Variants in ANXA10 observed in about 807,000 individuals in gnomAD.
The protein encoded by ANXA10 is annexin A10, also known as annexin 14.
Under a neutral mutation model 53.5 loss-of-function variants are expected in ANXA10, and 49 were observed. The observed-to-expected ratio is 0.92, with a 90% CI of 0.73 to 1.16. ANXA10 has a LOEUF of 1.16. ANXA10 is among the 50% of genes most tolerant of loss of function. ANXA10 has a pLI of 0.00. For synonymous variants in ANXA10, 131 were observed against 128.9 expected, an observed-to-expected ratio of 1.02 and a Z score of -0.11; for missense variants, 393 against 394.4, an observed-to-expected ratio of 1.00 and a Z score of 0.03.
intron 3 of ANXA10, among the ~76,000 whole-genome samples, chr4:168,156,202 TA>T (rs1210845811): frequency 4.0e-5 from 1 of 24,940 alleles, no homozygotes; most frequent in African/African-American, 2.1e-4. Flanking sequence ...ATATATAATA[TA>T]TATTATATTA....
intron 1 of ANXA10, among the ~76,000 whole-genome samples, chr4:168,104,851 A>T (rs1454998401): frequency 1.3e-5 from 2 of 150,450 alleles, no homozygotes; most frequent in Non-Finnish European, 3.0e-5. Context: ...TGTCTTTATT[A>T]CCTCCTACCT....
At chr4:168,097,193 C>A (rs751943929) in intron 1 of ANXA10, among the ~76,000 whole-genome samples, 1 of 151,932 alleles carries the variant, frequency 6.6e-6, no homozygotes, top group Non-Finnish European at 1.5e-5. Context: ...CCATTATATA[C>A]ATTTCTTCTC....
At chr4:168,184,719 T>C (rs1408368121) in intron 11 of ANXA10, 38 bp downstream of exon 11, 1 of 1,603,656 alleles carries the variant, frequency 6.2e-7, no homozygotes, top group Admixed American at 1.7e-5. Flanking sequence ...GACCCACATT[T>C]TCTCCTTTTT....
chr4:168,095,835 G>GA (rs1399795899), intron 1 of ANXA10, among the ~76,000 whole-genome samples: 3 of 152,012 alleles, frequency 2.0e-5, no homozygotes, highest in East Asian at 3.9e-4. Flanking sequence ...CACACTGAGA[G>GA]AAAAAAATGC....
At chr4:168,102,830 A>G (rs1435125012) in intron 1 of ANXA10, among the ~76,000 whole-genome samples, 2 of 152,124 alleles carry the variant, frequency 1.3e-5, no homozygotes, top group Non-Finnish European at 2.9e-5. Flanking sequence ...AGCTTTAGAA[A>G]AAACTGGCAA....
intron 2 of ANXA10, among the ~76,000 whole-genome samples, chr4:168,137,805 T>C (rs985620260): frequency 2.0e-5 from 3 of 152,196 alleles, no homozygotes; most frequent in Non-Finnish European, 2.9e-5. Context: ...GTACACACAG[T>C]AGTGAAATTT....
At chr4:168,122,060 C>T (rs1385807673) in intron 1 of ANXA10, among the ~76,000 whole-genome samples, 2 of 152,132 alleles carry the variant, frequency 1.3e-5, no homozygotes, top group East Asian at 1.9e-4. Flanking sequence ...CCAGGCATTT[C>T]GTGAACTCCT....
At chr4:168,135,879 C>T (rs1334306922) in intron 2 of ANXA10, among the ~76,000 whole-genome samples, 1 of 152,154 alleles carries the variant, frequency 6.6e-6, no homozygotes, top group Non-Finnish European at 1.5e-5. Flanking sequence ...TAAAGAACTA[C>T]CTGAGACTAC....
At chr4:168,114,501 C>T (rs1351139802) in intron 1 of ANXA10, among the ~76,000 whole-genome samples, 1 of 151,976 alleles carries the variant, frequency 6.6e-6, no homozygotes, top group African/African-American at 2.4e-5. Flanking sequence ...GTATAGTGTC[C>T]CCTCTTGTTT....
chr4:168,184,179 C>T (rs1173560442), intron 10 of ANXA10, among the ~76,000 whole-genome samples: 1 of 152,098 alleles, frequency 6.6e-6, no homozygotes, highest in Non-Finnish European at 1.5e-5. Context: ...CAGGAAGGAC[C>T]ACAGGATCAG....
intron 6 of ANXA10, among the ~76,000 whole-genome samples, chr4:168,166,631 CGTGTGTGTGTGTGTGTGTGTGT>C (rs34797848): frequency 3.1e-4 from 42 of 136,704 alleles, no homozygotes; most frequent in African/African-American, 5.9e-4. Context: ...TTTTGTGTTT[CGTGTGTGTGTGTGTGTGTGTGT>C]GTGTGTGTGT....
chr4:168,160,038 A>T (rs2319713), intron 3 of ANXA10, among the ~76,000 whole-genome samples: 1 of 151,340 alleles, frequency 6.6e-6, no homozygotes, highest in South Asian at 2.1e-4. Context: ...TAAATTGAGT[A>T]TATATATATT....
intron 6 of ANXA10, among the ~76,000 whole-genome samples, chr4:168,173,086 C>T (rs1732046985): frequency 6.6e-6 from 1 of 152,062 alleles, no homozygotes; most frequent in African/African-American, 2.4e-5. Context: ...CACTGTGCCC[C>T]TCCTGCCATA....
At chr4:168,181,544 T>A in intron 9 of ANXA10, 139 bp from the exon 10 acceptor site, 1 of 724,928 alleles carries the variant, frequency 1.4e-6, no homozygotes, top group Non-Finnish European at 2.4e-6. Context: ...TGGCTTATAG[T>A]GTTACCATTA....
At chr4:168,185,147 C>T (rs1732343578) in intron 11 of ANXA10, among the ~76,000 whole-genome samples, 1 of 151,596 alleles carries the variant, frequency 6.6e-6, no homozygotes, top group African/African-American at 2.4e-5. Context: ...GAGTGAGACT[C>T]CATCTCAAAA....
chr4:168,155,773 CATATATTATATATT>C (rs372556109), intron 3 of ANXA10, among the ~76,000 whole-genome samples: 2 of 23,440 alleles, frequency 8.5e-5, no homozygotes, highest in South Asian at 1.5e-3. Flanking sequence ...TATGATATAT[CATATATTATATATT>C]ATATATAATA....
chr4:168,104,149 G>C (rs1204950518), intron 1 of ANXA10, among the ~76,000 whole-genome samples: 1 of 151,762 alleles, frequency 6.6e-6, no homozygotes, highest in East Asian at 1.9e-4. Context: ...ATCATGTTTT[G>C]ATGGCCATAT....
intron 6 of ANXA10, among the ~76,000 whole-genome samples, chr4:168,165,529 CCTCAA>C (rs1441381305): frequency 1.3e-5 from 2 of 151,608 alleles, no homozygotes; most frequent in African/African-American, 4.8e-5. Flanking sequence ...ATGGATAATG[CCTCAA>C]CTCTATTTTC....
intron 1 of ANXA10, among the ~76,000 whole-genome samples, chr4:168,110,001 G>C (rs940976906): frequency 3.9e-5 from 6 of 152,176 alleles, no homozygotes; most frequent in Non-Finnish European, 7.3e-5. Flanking sequence ...ACGAGGTCAG[G>C]AGATCGAGAC....
Sources: gnomAD v4.1 joint callset for allele counts (sites outside exome capture counted in the v4.1 genomes callset) on GRCh38, gnomAD v4.1.1 for gene constraint, MANE v1.5 for transcripts, NCBI Gene and HGNC (gene_info 2026-07-23, HGNC 2026-07-21) for gene names.